Variants in GIT2 observed in about 807,000 individuals in gnomAD.
GIT2 encodes the protein ARF GTPase-activating protein GIT2.
GIT2 carries 32 observed loss-of-function variants against 100.3 expected under a neutral mutation model. That is an observed-to-expected ratio of 0.32 (90% CI 0.24 to 0.43). The LOEUF (loss-of-function observed/expected upper bound fraction) is 0.43. Ranked by LOEUF, GIT2 falls within the 20% of genes least tolerant of loss-of-function variation. The probability of loss-of-function intolerance (pLI) is 1.00; values close to 1 mark genes in which losing one functional copy is unlikely to be tolerated. For synonymous variants in GIT2, 353 were observed against 364.1 expected, an observed-to-expected ratio of 0.97 and a Z score of 0.35; for missense variants, 737 against 975.1, an observed-to-expected ratio of 0.76 and a Z score of 3.25.
intron 8 of GIT2, among the ~76,000 whole-genome samples, chr12:109,966,060 A>G (rs1271874256): frequency 6.7e-6 from 1 of 150,104 alleles, no homozygotes; most frequent in East Asian, 2.0e-4. Context: ...CAGTGGCGCA[A>G]TCTCAGCTCA....
Position 109,962,747 on chromosome 12 carries a change from T to C in GIT2, c.817-1062A>G, listed in dbSNP as rs1177336698. Among the ~76,000 whole-genome samples, 3 of 152,230 alleles carry C rather than the reference T, an allele frequency of 2.0e-5. No individual in the cohort carries two copies. The highest frequency in any genetic ancestry group is 4.4e-5 in the Non-Finnish European group (3 of 68,034). ...ATGCTGAATCTGTTATATTCCCTAT[T>C]GGGTTCCTTACATCCACACATGGTA... On this transcript the variant is annotated intron_variant, in intron 9 of 19. Coordinates refer to ENST00000355312, the MANE Select transcript of GIT2 (RefSeq NM_057169.5). This position sits in a 1 kb window ranked among gnomAD's most constrained non-coding sequence, Gnocchi z 4.3.
intron 7 of GIT2, among the ~76,000 whole-genome samples, chr12:109,978,441 C>T (rs1885606180): frequency 6.6e-6 from 1 of 152,062 alleles, no homozygotes; most frequent in African/African-American, 2.4e-5. Context: ...GCACACACCA[C>T]TCTTTCTCAT....
At chr12:109,979,364 C>T (rs1177486763) in intron 7 of GIT2, among the ~76,000 whole-genome samples, 1 of 148,710 alleles carries the variant, frequency 6.7e-6, no homozygotes, top group East Asian at 2.0e-4. Flanking sequence ...CAACCTCTGC[C>T]TCCTGGGTTC....
In GIT2 at chr12:109,934,628, G is replaced by C. The variant is rs1872479702; in HGVS notation, c.2004-543C>G. 6.6e-6 allele frequency among the ~76,000 whole-genome samples: 1 copy of C among 152,100 alleles called. No homozygotes were observed. The highest frequency in any genetic ancestry group is 2.4e-5 in the African/African-American group (1 of 41,418). ...ACTCCTGGATTCAAGTGAATCTCTT[G>C]CCTCAGCCTCCAAAGTGCTGGGGTT... On this transcript the variant is annotated intron_variant, in intron 18 of 19. Coordinates refer to ENST00000355312, the MANE Select transcript of GIT2 (RefSeq NM_057169.5). The surrounding 1 kb of genome is among the most constrained non-coding windows in gnomAD (Gnocchi z 4.5).
chr12:109,980,445 G>T (rs1321836922), intron 7 of GIT2, among the ~76,000 whole-genome samples: 1 of 151,970 alleles, frequency 6.6e-6, no homozygotes, highest in Non-Finnish European at 1.5e-5. Context: ...CTAGGCTGAA[G>T]TGCAGTGGCA....
In GIT2 at chr12:109,948,706, C is replaced by A; in HGVS notation, c.1393-1202G>T. On this transcript the variant is annotated intron_variant, in intron 14 of 19. Coordinates refer to ENST00000355312, the MANE Select transcript of GIT2 (RefSeq NM_057169.5). This position sits in a 1 kb window ranked among gnomAD's most constrained non-coding sequence, Gnocchi z 4.3. ...TTAAGTCCACAAGCAACTGTTTGCA[C>A]CAGAAGATCATTACTTTTTCAGTAG... 6.8e-7 allele frequency: 1 copy of A among 1,474,340 alleles called. No individual in the cohort carries two copies. The highest frequency in any genetic ancestry group is 8.9e-7 in the Non-Finnish European group (1 of 1,118,370). 91.3% of individuals were successfully genotyped at this position (1,474,340 alleles called of 1,614,324 possible).
At position 109,932,614 on chromosome 12, in the gene GIT2, GT is replaced by G. The variant is rs1871838208; in HGVS notation, c.*363del. ...TTTAACTGAACTCTCTCAAGAAAAT[GT>G]TTTATGAAAAATTTCATTTATAGTT... On this transcript the variant is annotated 3_prime_UTR_variant, in exon 20 of 20. Transcript: ENST00000355312. The G allele has an allele frequency of 5.6e-6, 1 of 177,596 alleles. No homozygotes were observed. Among genetic ancestry groups the G allele is most frequent in the African/African-American group, 2.4e-5 (1 of 41,854 alleles). The allele number at this position is 177,596 out of a possible 1,614,324, so 11.0% of individuals were successfully genotyped here. A position where few individuals can be genotyped will look rare whatever the true frequency, so the allele number is the denominator to read the frequency against.
intron 7 of GIT2, among the ~76,000 whole-genome samples, chr12:109,972,794 T>C (rs918621390): frequency 6.6e-6 from 1 of 152,112 alleles, no homozygotes; most frequent in Non-Finnish European, 1.5e-5. Context: ...GTCTTGCCTA[T>C]CTGGAAATCC....
At chr12:109,958,399 G>A (rs745364272) in intron 12 of GIT2, among the ~76,000 whole-genome samples, 5 of 151,890 alleles carry the variant, frequency 3.3e-5, no homozygotes, top group East Asian at 1.9e-4. Context: ...GTACCACCAC[G>A]CCCAGCTAAT....
chr12:109,992,860 C>T (rs1428853321), intron 1 of GIT2, among the ~76,000 whole-genome samples: 2 of 151,866 alleles, frequency 1.3e-5, no homozygotes, highest in African/African-American at 2.4e-5. Flanking sequence ...TTAGTACAGA[C>T]GAGGTTTCAC....
intron 13 of GIT2, chr12:109,952,489 C>G (rs1319888347): frequency 1.2e-5 from 6 of 518,984 alleles, no homozygotes; most frequent in South Asian, 8.4e-5. Context: ...GTGAGGCCCA[C>G]TCTCTTCCGT....
chr12:109,965,808 A>G (rs1882193697), intron 8 of GIT2: 1 of 665,868 alleles, frequency 1.5e-6, no homozygotes, highest in Middle Eastern at 2.5e-4. Flanking sequence ...GGAAAAAAAA[A>G]TCGTCCACCA....
intron 7 of GIT2, among the ~76,000 whole-genome samples, chr12:109,980,150 T>C (rs1357096337): frequency 6.6e-6 from 1 of 152,030 alleles, no homozygotes; most frequent in African/African-American, 2.4e-5. Flanking sequence ...CATAGCTCAC[T>C]GCCACCCTGA....
At chr12:109,985,537 G>A (rs1285921984) in intron 4 of GIT2, among the ~76,000 whole-genome samples, 2 of 152,146 alleles carry the variant, frequency 1.3e-5, no homozygotes, top group Non-Finnish European at 2.9e-5. Context: ...ACAACATGGT[G>A]AAACCCCATC....
intron 9 of GIT2, among the ~76,000 whole-genome samples, chr12:109,963,899 G>T (rs1881645168): frequency 6.6e-6 from 1 of 152,140 alleles, no homozygotes. Flanking sequence ...GGATGCCAAG[G>T]CACAGGGAGG....
chr12:109,938,792 A>G, intron 17 of GIT2: 2 of 521,860 alleles, frequency 3.8e-6, no homozygotes, highest in South Asian at 3.0e-5. Flanking sequence ...GAAGGAGGGG[A>G]AAAGGGAGGG....
Position 109,948,894 on chromosome 12 carries a change from T to C in GIT2, c.1393-1390A>G. 1 of 1,327,942 alleles carries C rather than the reference T, an allele frequency of 7.5e-7. No individual in the cohort carries two copies. The highest frequency in any genetic ancestry group is 2.3e-5 in the East Asian group (1 of 43,358). 82.3% of individuals were successfully genotyped at this position (1,327,942 alleles called of 1,614,324 possible). A position where few individuals can be genotyped will look rare whatever the true frequency, so the allele number is the denominator to read the frequency against. Reference sequence around the variant, plus strand: ...TACAAATCATGCTACTTTGTCAACTTTATGTATATTAAAAACTTTACCCAA... The same window carrying C: ...TACAAATCATGCTACTTTGTCAACTCTATGTATATTAAAAACTTTACCCAA... On this transcript the variant is annotated intron_variant, in intron 14 of 19. Coordinates refer to ENST00000355312, the MANE Select transcript of GIT2 (RefSeq NM_057169.5). This position sits in a 1 kb window ranked among gnomAD's most constrained non-coding sequence, Gnocchi z 4.3.
At chr12:109,982,607 A>C (rs892429979) in intron 6 of GIT2, 1 of 152,104 alleles carries the variant, frequency 6.6e-6, no homozygotes, top group African/African-American at 2.4e-5. Flanking sequence ...TTTATTAATA[A>C]AGAAAAATTT....
intron 12 of GIT2, among the ~76,000 whole-genome samples, chr12:109,958,142 CA>C (rs1880040552): frequency 6.6e-6 from 1 of 151,812 alleles, no homozygotes; most frequent in Non-Finnish European, 1.5e-5. Context: ...GACGGGGTTT[CA>C]CCATGTTAGC....
Sources: gnomAD v4.1 joint callset for allele counts (sites outside exome capture counted in the v4.1 genomes callset) on GRCh38, gnomAD v4.1.1 for gene constraint, Gnocchi (gnomAD v3.1) non-coding constraint, MANE v1.5 for transcripts, NCBI Gene and HGNC (gene_info 2026-07-23, HGNC 2026-07-21) for gene names.